Variants in ZNF430 observed in about 807,000 individuals in gnomAD.
ZNF430 encodes the protein zinc finger protein 430.
In ZNF430, 35 loss-of-function variants were observed where a neutral mutation model predicts 56.7. That is an observed-to-expected ratio of 0.62 (90% CI 0.47 to 0.82). The LOEUF is 0.82. Ranked by LOEUF, ZNF430 falls within the 40% of genes least tolerant of loss-of-function variation. The pLI, the probability that ZNF430 is intolerant of heterozygous loss-of-function variation, is 0.00. For missense variants in ZNF430, 574 were observed against 661.0 expected, an observed-to-expected ratio of 0.87 and a Z score of 1.44; for synonymous variants, 212 against 224.3, an observed-to-expected ratio of 0.94 and a Z score of 0.49.
chr19:21,031,353 C>G (rs968135074), intron 2 of ZNF430, among the ~76,000 whole-genome samples: 3 of 150,714 alleles, frequency 2.0e-5, no homozygotes, highest in African/African-American at 4.9e-5. Context: ...AATATACATT[C>G]ATGAGAGCTA....
In ZNF430 at chr19:21,020,703, T is replaced by G; in HGVS notation, c.-98T>G. The G allele has an allele frequency of 6.5e-7, 1 of 1,545,724 alleles. No individual in the cohort carries two copies. Among genetic ancestry groups the G allele is most frequent in the Non-Finnish European group, 8.9e-7 (1 of 1,120,878 alleles). On this transcript the variant is annotated 5_prime_UTR_variant, in exon 1 of 5. Coordinates refer to ENST00000261560, the MANE Select transcript of ZNF430 (RefSeq NM_025189.4). ...TCCAGGTCTCGTCTTCAGCGCTCTG[T>G]GTCCTCTGCTCCTAGAGGTCCAGGC...
chr19:21,026,804 GGAT>G (rs924662724), intron 2 of ZNF430, among the ~76,000 whole-genome samples: 8 of 138,412 alleles, frequency 5.8e-5, no homozygotes, highest in Non-Finnish European at 1.1e-4. Flanking sequence ...CTTCCTGTTT[GGAT>G]GCCTTTTTTC....
rs1968129262 is a variant in ZNF430, at chr19:21,042,786, A to G, written c.322+8602A>G. Among the ~76,000 whole-genome samples the G allele has an allele frequency of 2.1e-5, 3 of 143,632 alleles. No homozygotes were observed. The South Asian group carries it at 6.5e-4, about 31-fold the overall frequency. 94.2% of individuals were successfully genotyped at this position (143,632 alleles called of 152,430 possible). On this transcript the variant is annotated intron_variant, in intron 4 of 4. Transcript: ENST00000261560. ...CTGGGCAAAGAGTGAGACTCCATCT[A>G]AAAAAAAAAAAAAATTTAGAAAAAA...
chr19:21,056,621 T>C lies in ZNF430; in HGVS notation c.323-10T>C. 1 of 1,492,164 alleles carries C rather than the reference T, an allele frequency of 6.7e-7. No individual in the cohort carries two copies. 92.4% of individuals were successfully genotyped at this position (1,492,164 alleles called of 1,614,324 possible). On this transcript the variant is annotated splice_polypyrimidine_tract_variant and intron_variant, in intron 4 of 4. Coordinates refer to ENST00000261560, the MANE Select transcript of ZNF430 (RefSeq NM_025189.4). ...TAAATGGAGTAATTTGTTATTTTTATTTCTTTCAGTTACATATTCTCATTT... is the reference window on the plus strand; with the variant it reads ...TAAATGGAGTAATTTGTTATTTTTACTTCTTTCAGTTACATATTCTCATTT...
At chr19:21,034,251 A>G in intron 4 of ZNF430, 67 bp downstream of exon 4, 1 of 1,160,790 alleles carries the variant, frequency 8.6e-7, no homozygotes, top group Non-Finnish European at 1.2e-6. Context: ...GCCAATGCTT[A>G]AAATGTTATT....
chr19:21,040,666 A>G (rs1968086011), intron 4 of ZNF430, among the ~76,000 whole-genome samples: 1 of 152,218 alleles, frequency 6.6e-6, no homozygotes, highest in African/African-American at 2.4e-5. Context: ...AAAATAGTTA[A>G]TACAGTCTAT....
intron 4 of ZNF430, among the ~76,000 whole-genome samples, chr19:21,042,470 C>T (rs1968119283): frequency 1.3e-5 from 2 of 152,096 alleles, no homozygotes. Context: ...TCATCAGCAT[C>T]TGTTGTTTCT....
intron 4 of ZNF430, among the ~76,000 whole-genome samples, chr19:21,054,783 T>G (rs1011061999): frequency 6.8e-6 from 1 of 146,230 alleles, no homozygotes. Flanking sequence ...CACGCCATTC[T>G]CCTGCCTCAG....
At chr19:21,040,452 C>A (rs1338734602) in intron 4 of ZNF430, among the ~76,000 whole-genome samples, 1 of 152,154 alleles carries the variant, frequency 6.6e-6, no homozygotes, top group Non-Finnish European at 1.5e-5. Flanking sequence ...ATTAAAATAA[C>A]CTGTCTCCTT....
chr19:21,024,684 G>C (rs919451400), intron 2 of ZNF430, among the ~76,000 whole-genome samples: 1 of 152,018 alleles, frequency 6.6e-6, no homozygotes, highest in African/African-American at 2.4e-5. Context: ...GGAGGCTGAG[G>C]CAGGAGAATG....
chr19:21,032,460 G>A (rs1196179228), intron 2 of ZNF430, among the ~76,000 whole-genome samples: 1 of 152,180 alleles, frequency 6.6e-6, no homozygotes, highest in Admixed American at 6.5e-5. Context: ...GGGTGTGGTG[G>A]CTCACACCTG....
chr19:21,049,227 C>T (rs1599505006), intron 4 of ZNF430, among the ~76,000 whole-genome samples: 1 of 127,674 alleles, frequency 7.8e-6, no homozygotes, highest in East Asian at 2.4e-4. Flanking sequence ...ACTTCTTAAA[C>T]TTTAATTAAA....
At chr19:21,043,310 G>C (rs1968139142) in intron 4 of ZNF430, among the ~76,000 whole-genome samples, 2 of 152,146 alleles carry the variant, frequency 1.3e-5, no homozygotes, top group Non-Finnish European at 2.9e-5. Flanking sequence ...GTGTAAGGAA[G>C]GGTTCCAGTT....
At chr19:21,047,019 AT>A (rs1423201969) in intron 4 of ZNF430, among the ~76,000 whole-genome samples, 3 of 151,622 alleles carry the variant, frequency 2.0e-5, no homozygotes, top group Non-Finnish European at 4.4e-5. Flanking sequence ...GACCTCAGAG[AT>A]TTCTCTCATT....
At chr19:21,028,843 G>A (rs889252149) in intron 2 of ZNF430, among the ~76,000 whole-genome samples, 2 of 152,098 alleles carry the variant, frequency 1.3e-5, no homozygotes, top group East Asian at 3.9e-4. Flanking sequence ...TTGCCACCAT[G>A]CCTGGCTAAT....
At chr19:21,051,602 T>TC (rs1968285260) in intron 4 of ZNF430, among the ~76,000 whole-genome samples, 1 of 152,204 alleles carries the variant, frequency 6.6e-6, no homozygotes, top group Non-Finnish European at 1.5e-5. Flanking sequence ...CAAGTGATTC[T>TC]CCTGCCTCAG....
At chr19:21,054,764 T>G (rs1385905998) in intron 4 of ZNF430, among the ~76,000 whole-genome samples, 2 of 132,820 alleles carry the variant, frequency 1.5e-5, no homozygotes, top group African/African-American at 5.5e-5. Context: ...AAGCTCCGCC[T>G]CCCCGGTTCA....
At chr19:21,039,616 A>G in intron 4 of ZNF430, among the ~76,000 whole-genome samples, 1 of 151,552 alleles carries the variant, frequency 6.6e-6, no homozygotes, top group Non-Finnish European at 1.5e-5. Flanking sequence ...ACAGGCACCC[A>G]CCATTATGCC....
chr19:21,039,611 C>A (rs1315170189), intron 4 of ZNF430, among the ~76,000 whole-genome samples: 2 of 151,832 alleles, frequency 1.3e-5, no homozygotes, highest in Non-Finnish European at 2.9e-5. Context: ...GGATTACAGG[C>A]ACCCACCATT....
Sources: allele counts gnomAD v4.1 joint callset (sites outside exome capture counted in the v4.1 genomes callset), GRCh38; gene constraint gnomAD v4.1.1; transcripts MANE v1.5; gene names NCBI Gene and HGNC (gene_info 2026-07-23, HGNC 2026-07-21).